COL14A1: variants seen among roughly 807,000 people sequenced by gnomAD.
COL14A1 encodes collagen alpha-1(XIV) chain.
In COL14A1, 136 loss-of-function variants were observed where a neutral mutation model predicts 230.3. The observed-to-expected ratio is 0.59, with a 90% CI of 0.51 to 0.68. The LOEUF is 0.68. COL14A1 is among the 30% of genes least tolerant of loss of function. COL14A1 has a pLI of 0.00. For missense variants in COL14A1, 1,976 were observed against 2,215.8 expected (o/e 0.89, Z 2.17); for synonymous variants, 792 against 784.1 (o/e 1.01, Z -0.17).
In COL14A1 at chr8:120,310,068, G is replaced by T; in HGVS notation, c.4455+6G>T. On this transcript the variant is annotated splice_donor_region_variant and intron_variant, in intron 37 of 47. Transcript: ENST00000297848. The stretch of plus-strand genomic sequence containing the variant: ...AAGGTGAACCGGGTCCAAAGGTAAT[G>T]CGCATGTTTTCTCTCTCTCTCTGTC... The T allele has an allele frequency of 1.9e-6, 3 of 1,612,892 alleles. No individual in the cohort carries two copies. The highest frequency in any genetic ancestry group is 2.5e-6 in the Non-Finnish European group (3 of 1,179,148).
At chr8:120,167,651 G>C (rs879815969) in intron 4 of COL14A1, among the ~76,000 whole-genome samples, 4 of 152,106 alleles carry the variant, frequency 2.6e-5, no homozygotes, top group Admixed American at 6.5e-5. Context: ...TTTTAAGTTT[G>C]AAAAGGAATT....
intron 5 of COL14A1, among the ~76,000 whole-genome samples, chr8:120,187,156 T>A (rs1336726051): frequency 3.9e-5 from 6 of 152,238 alleles, no homozygotes; most frequent in Non-Finnish European, 8.8e-5. Context: ...TATCTAAAAA[T>A]GCATTGTAAA....
chr8:120,131,089 T>C (rs1266273317), intron 1 of COL14A1, among the ~76,000 whole-genome samples: 2 of 152,252 alleles, frequency 1.3e-5, no homozygotes, highest in Non-Finnish European at 1.5e-5. Context: ...ATGGTGTATA[T>C]GTACCACATT....
At chr8:120,260,587 G>A (rs999203633) in intron 23 of COL14A1, among the ~76,000 whole-genome samples, 2 of 152,064 alleles carry the variant, frequency 1.3e-5, no homozygotes, top group Non-Finnish European at 2.9e-5. Flanking sequence ...AGCGTTATGA[G>A]GCTTTGATTA....
At chr8:120,246,836 C>T (rs1818782312) in intron 20 of COL14A1, among the ~76,000 whole-genome samples, 2 of 151,938 alleles carry the variant, frequency 1.3e-5, no homozygotes, top group Admixed American at 1.3e-4. Flanking sequence ...AATGGATAAG[C>T]AATAATATAA....
chr8:120,212,397 GC>G, intron 12 of COL14A1, 50 bp from the exon 13 acceptor site: 4 of 1,596,984 alleles, frequency 2.5e-6, no homozygotes, highest in Non-Finnish European at 3.4e-6. Flanking sequence ...ACTCTGATCA[GC>G]ATGAATAATA....
At position 120,193,907 on chromosome 8, in the gene COL14A1, G is replaced by A. The variant is rs867812661; in HGVS notation, c.437-2884G>A. ...CGTTTTTTAAGCCCCTCGGAAAAGC[G>A]CAGTATTAGGGTGGGAGTGACCCGG... On this transcript the variant is annotated intron_variant, in intron 5 of 47. Transcript: ENST00000297848. Among the ~76,000 whole-genome samples the A allele has an allele frequency of 2.6e-4, 40 of 152,278 alleles. No individual in the cohort carries two copies. The Middle Eastern group carries it at 0.01, about 39-fold the overall frequency.
chr8:120,247,850 A>G (rs538585344), intron 21 of COL14A1, 115 bp downstream of exon 21: 1 of 1,258,062 alleles, frequency 7.9e-7, no homozygotes, highest in African/African-American at 1.5e-5. Flanking sequence ...TTAAAGAAGT[A>G]GGGAGAACCT....
intron 47 of COL14A1, chr8:120,370,333 A>G (rs755433067): frequency 6.2e-7 from 1 of 1,611,718 alleles, no homozygotes; most frequent in South Asian, 1.1e-5. Flanking sequence ...TATCCTTATT[A>G]AGATCTGATC....
intron 46 of COL14A1, among the ~76,000 whole-genome samples, chr8:120,368,642 C>T: frequency 6.7e-6 from 1 of 149,362 alleles, no homozygotes; most frequent in Non-Finnish European, 1.5e-5. Context: ...CAAATTTCTT[C>T]AATTCACAAC....
At position 120,373,555 on chromosome 8, in the gene COL14A1, A is replaced by AATC. The variant is rs377658429; in HGVS notation, c.*2327_*2329dup. Among the ~76,000 whole-genome samples the AATC allele has an allele frequency of 6.6e-6, 1 of 152,202 alleles. No individual in the cohort carries two copies. The highest frequency in any genetic ancestry group is 2.4e-5 in the African/African-American group (1 of 41,448). On this transcript the variant is annotated 3_prime_UTR_variant, in exon 48 of 48. Coordinates refer to ENST00000297848, the MANE Select transcript of COL14A1 (RefSeq NM_021110.4). ...TTTATACTGTTTTCTAAAAGTAATA[A>AATC]ATCATTTCATGAAAAATACATTACT...
At chr8:120,152,469 CAAAAAAAAAAAAAAA>C (rs397891260) in intron 2 of COL14A1, among the ~76,000 whole-genome samples, 6 of 59,598 alleles carry the variant, frequency 1.0e-4, no homozygotes, top group African/African-American at 4.5e-4. Flanking sequence ...GATTCCATCT[CAAAAAAAAAAAAAAA>C]AAAAAAAAAA....
At chr8:120,163,251 CTG>C (rs762596428) in intron 4 of COL14A1, among the ~76,000 whole-genome samples, 1 of 152,156 alleles carries the variant, frequency 6.6e-6, no homozygotes, top group Non-Finnish European at 1.5e-5. Flanking sequence ...ATATAGGACT[CTG>C]TGAAGAGAGG....
chr8:120,208,429 A>T (rs1817516416), intron 11 of COL14A1, 68 bp downstream of exon 11: 7 of 1,522,584 alleles, frequency 4.6e-6, no homozygotes, highest in Non-Finnish European at 4.5e-6. Context: ...TCTTAAATTG[A>T]AATTCTGCTC....
intron 26 of COL14A1, 130 bp from the exon 27 acceptor site, chr8:120,277,981 A>C: frequency 1.2e-6 from 1 of 863,944 alleles, no homozygotes; most frequent in Non-Finnish European, 1.7e-6. Flanking sequence ...GTATGAAAGA[A>C]ATTTTAATCC....
intron 34 of COL14A1, among the ~76,000 whole-genome samples, chr8:120,296,932 G>C (rs1455926581): frequency 1.3e-5 from 2 of 151,892 alleles, no homozygotes; most frequent in Non-Finnish European, 2.9e-5. Flanking sequence ...TTCTAGGTCA[G>C]GACTATGATT....
At chr8:120,178,685 T>C (rs537807721) in intron 5 of COL14A1, among the ~76,000 whole-genome samples, 1 of 152,204 alleles carries the variant, frequency 6.6e-6, no homozygotes, top group African/African-American at 2.4e-5. Context: ...TAATTTACAC[T>C]CCCACCCACA....
At chr8:120,308,170 T>C (rs1445779992) in intron 36 of COL14A1, among the ~76,000 whole-genome samples, 1 of 152,116 alleles carries the variant, frequency 6.6e-6, no homozygotes, top group Non-Finnish European at 1.5e-5. Flanking sequence ...TTAATAGAGA[T>C]GGGGTTTCAC....
intron 1 of COL14A1, among the ~76,000 whole-genome samples, chr8:120,145,406 G>T (rs905864966): frequency 2.6e-5 from 4 of 152,200 alleles, no homozygotes; most frequent in Non-Finnish European, 5.9e-5. Context: ...ATCACCTGAG[G>T]TCAGGAGTTT....
Sources: gnomAD v4.1 joint callset for allele counts (sites outside exome capture counted in the v4.1 genomes callset) on GRCh38, gnomAD v4.1.1 for gene constraint, MANE v1.5 for transcripts, NCBI Gene and HGNC (gene_info 2026-07-23, HGNC 2026-07-21) for gene names.